Variants in ALB observed in about 807,000 individuals in gnomAD.
The protein encoded by ALB is serum albumin.
Under a neutral mutation model 74.5 loss-of-function variants are expected in ALB, and 37 were observed. That is an observed-to-expected ratio of 0.50 (90% CI 0.38 to 0.65). The LOEUF is 0.65. Ranked by LOEUF, ALB falls within the 30% of genes least tolerant of loss-of-function variation. ALB has a pLI of 0.00. For missense variants in ALB, 685 were observed against 718.7 expected (o/e 0.95, Z 0.54); for synonymous variants, 249 against 251.6 (o/e 0.99, Z 0.10).
chr4:73,406,694 A>G lies in ALB; in HGVS notation c.203A>G (p.Asn68Ser), dbSNP rs1718737845. The change falls in exon 3 of 15, where the codon AAT becomes AGT. Residue 68 changes from asparagine to serine, a missense_variant. Physicochemically the swap from Asn to Ser is conservative, Grantham distance 46. Coordinates refer to ENST00000295897, the MANE Select transcript of ALB (RefSeq NM_000477.7). The stretch of plus-strand genomic sequence containing the variant: ...TTTGAAGATCATGTAAAATTAGTGA[A>G]TGAAGTAACTGAATTTGCAAAAACA... ...CPFEDHVKLV[N>S]EVTEFAKTCV... The G allele has an allele frequency of 1.2e-6, 2 of 1,613,972 alleles. No individual in the cohort carries two copies. Among genetic ancestry groups the G allele is most frequent in the African/African-American group, 1.3e-5 (1 of 75,058 alleles).
At chr4:73,415,782 T>C (rs1718997586) in intron 9 of ALB, among the ~76,000 whole-genome samples, 1 of 152,162 alleles carries the variant, frequency 6.6e-6, no homozygotes, top group South Asian at 2.1e-4. Context: ...ATCTCTCATT[T>C]TGGAGAGCCT....
At chr4:73,415,205 T>C (rs1405850851) in intron 9 of ALB, 38 bp downstream of exon 9, 1 of 1,609,674 alleles carries the variant, frequency 6.2e-7, no homozygotes, top group Non-Finnish European at 8.5e-7. Flanking sequence ...GTTCTTTGAC[T>C]GATGATTCCA....
chr4:73,418,059 G>T (rs1258811940), intron 11 of ALB, 29 bp from the exon 12 acceptor site: 8 of 1,608,850 alleles, frequency 5.0e-6, no homozygotes, highest in South Asian at 1.1e-5. Context: ...CACCTCTTTT[G>T]AATTTCTGCT....
chr4:73,419,593 A>G lies in ALB; in HGVS notation c.1739A>G (p.Glu580Gly). ...AVMDDFAAFV[E>G]KCCKADDKET... ...ATGGATGATTTCGCAGCTTTTGTAG[A>G]GAAGTGCTGCAAGGCTGACGATAAG... The change falls in exon 13 of 15, where the codon GAG becomes GGG. Residue 580 changes from glutamate to glycine, a missense_variant. Physicochemically the swap from Glu to Gly is moderately conservative, Grantham distance 98. Coordinates refer to ENST00000295897, the MANE Select transcript of ALB (RefSeq NM_000477.7). The G allele has an allele frequency of 1.2e-6, 2 of 1,613,982 alleles. No homozygotes were observed. Among genetic ancestry groups the G allele is most frequent in the Non-Finnish European group, 1.7e-6 (2 of 1,179,948 alleles).
At chr4:73,405,555 A>C (rs1718698681) in intron 2 of ALB, among the ~76,000 whole-genome samples, 1 of 151,898 alleles carries the variant, frequency 6.6e-6, no homozygotes, top group Non-Finnish European at 1.5e-5. Context: ...AATCTTCTTT[A>C]CATAGCAAGC....
At chr4:73,413,941 T>C (rs1224354920) in intron 8 of ALB, among the ~76,000 whole-genome samples, 1 of 152,232 alleles carries the variant, frequency 6.6e-6, no homozygotes, top group Admixed American at 6.5e-5. Flanking sequence ...TCCAAGTGTA[T>C]TTCTTGAACA....
chr4:73,413,467 T>C lies in ALB; in HGVS notation c.891T>C (p.Ser297=), dbSNP rs56167251. 475 of 1,614,182 alleles carry C rather than the reference T, an allele frequency of 2.9e-4. 2 individuals are homozygous for C. In the African/African-American group the frequency reaches 5.6e-3, roughly 19 times the overall value. ...YICENQDSIS[S]KLKECCEKPL... is the part of the protein sequence containing the mutation. ...GTGAAAATCAAGATTCGATCTCCAGTAAACTGAAGGAATGCTGTGAAAAAC... is the reference window on the plus strand; with the variant it reads ...GTGAAAATCAAGATTCGATCTCCAGCAAACTGAAGGAATGCTGTGAAAAAC... Residue 297 remains serine (S), a synonymous_variant, in exon 8 of 15, where the codon AGT becomes AGC. Coordinates refer to ENST00000295897, the MANE Select transcript of ALB (RefSeq NM_000477.7).
intron 6 of ALB, 105 bp from the exon 7 acceptor site, chr4:73,411,891 C>A: frequency 1.4e-6 from 2 of 1,417,812 alleles, no homozygotes; most frequent in Non-Finnish European, 2.0e-6. Flanking sequence ...AAAATTATTT[C>A]TGTATGTCCA....
intron 3 of ALB, 66 bp downstream of exon 3, chr4:73,406,827 A>AT (rs966919944): frequency 2.1e-5 from 34 of 1,586,560 alleles, no homozygotes; most frequent in South Asian, 3.4e-5. Context: ...TTTCAAAGGA[A>AT]TTTTTTTTAA....
Position 73,414,885 on chromosome 4 carries a change from T to C in ALB, c.1059-150T>C, listed in dbSNP as rs924044747. On this transcript the variant is annotated intron_variant, in intron 8 of 14. Coordinates refer to ENST00000295897, the MANE Select transcript of ALB (RefSeq NM_000477.7). ...AATTGAGCCTTGGTAACTTTAACTC[T>C]GGACCCCAAGTCCTTAGCTACTAAG... is the stretch of plus-strand genomic sequence containing the variant. 6.5e-6 allele frequency: 6 copies of C among 916,946 alleles called. No homozygotes were observed. In the African/African-American group the frequency reaches 8.3e-5, roughly 13 times the overall value. 56.8% of individuals were successfully genotyped at this position (916,946 alleles called of 1,614,324 possible).
intron 11 of ALB, among the ~76,000 whole-genome samples, 180 bp downstream of exon 11, chr4:73,417,849 A>T (rs1719053593): frequency 6.6e-6 from 1 of 151,062 alleles, no homozygotes. Flanking sequence ...CGAGGATGAT[A>T]ATTTTTTTTT....
chr4:73,413,576 G>T lies in ALB; in HGVS notation c.1000G>T (p.Val334Phe), dbSNP rs764057453. The change falls in exon 8 of 15, where the codon GTT (valine) becomes TTT (phenylalanine). Residue 334 changes from valine (V) to phenylalanine (F), a missense_variant. Physicochemically the swap from Val to Phe is conservative, Grantham distance 50 (BLOSUM62 -1). Transcript: ENST00000295897. ...ADLPSLAADF[V>F]ESKDVCKNYA... Reference sequence around the variant, plus strand: ...CTTGCCTTCATTAGCTGCTGATTTTGTTGAAAGTAAGGATGTTTGCAAAAA... The same window carrying T: ...CTTGCCTTCATTAGCTGCTGATTTTTTTGAAAGTAAGGATGTTTGCAAAAA... 2 of 1,614,174 alleles carry T rather than the reference G, an allele frequency of 1.2e-6. No homozygotes were observed. Among genetic ancestry groups the T allele is most frequent in the Non-Finnish European group, 1.7e-6 (2 of 1,180,026 alleles).
chr4:73,406,084 T>A (rs1718719462), intron 2 of ALB, among the ~76,000 whole-genome samples: 1 of 151,282 alleles, frequency 6.6e-6, no homozygotes, highest in Admixed American at 6.6e-5. Context: ...CAAGTCTCTT[T>A]AAAAAAAACA....
At position 73,406,757 on chromosome 4, in the gene ALB, C is replaced by T; in HGVS notation, c.266C>T (p.Ser89Leu). The T allele has an allele frequency of 6.2e-7, 1 of 1,613,676 alleles. No homozygotes were observed. Among genetic ancestry groups the T allele is most frequent in the Non-Finnish European group, 8.5e-7 (1 of 1,179,910 alleles). Reference protein sequence around the residue: ...ADESAENCDKSLHTLFGDKLC... With the variant: ...ADESAENCDKLLHTLFGDKLC... Reference sequence around the variant, plus strand: ...GAGTCAGCTGAAAATTGTGACAAATCACTTGTAAGTACATTCTAATTGTGG... The same window carrying T: ...GAGTCAGCTGAAAATTGTGACAAATTACTTGTAAGTACATTCTAATTGTGG... The change falls in exon 3 of 15, where the codon TCA (serine) becomes TTA (leucine). Residue 89 changes from serine to leucine, a missense_variant. Physicochemically the swap from Ser to Leu is moderately radical, Grantham distance 145 (BLOSUM62 -2). Transcript: ENST00000295897.
intron 14 of ALB, 60 bp from the exon 15 acceptor site, chr4:73,421,032 G>A: frequency 1.5e-6 from 1 of 659,110 alleles, no homozygotes; most frequent in Non-Finnish European, 2.7e-6. Context: ...TATTTTAATA[G>A]GTTTGAAAAA....
chr4:73,409,621 T>G, intron 5 of ALB, 134 bp downstream of exon 5: 1 of 1,077,348 alleles, frequency 9.3e-7, no homozygotes, highest in East Asian at 2.4e-5. Flanking sequence ...CTTTTATCTG[T>G]CTTGAAAATC....
In ALB at chr4:73,408,816, A is replaced by G. The variant is rs754203026; in HGVS notation, c.482+11A>G. ...GACATTTTTGAAAAAGTAAGTAATC[A>G]GATGTTTATAGTTCAAAATTAAAAA... On this transcript the variant is annotated intron_variant, in intron 4 of 14. Transcript: ENST00000295897. 2 of 1,607,482 alleles carry G rather than the reference A, an allele frequency of 1.2e-6. No homozygotes were observed. The highest frequency in any genetic ancestry group is 1.7e-6 in the Non-Finnish European group (2 of 1,175,018).
Position 73,405,177 on chromosome 4 carries a change from A to C in ALB, c.137+4A>C, listed in dbSNP as rs886059619. ...GAGAAGAAAATTTCAAAGCCTTGTA[A>C]GTTAAAATATTGATGAATCAAATTT... is the stretch of plus-strand genomic sequence containing the variant. On this transcript the variant is annotated splice_donor_region_variant and intron_variant, in intron 2 of 14. Transcript: ENST00000295897. The C allele has an allele frequency of 4.4e-6, 7 of 1,603,064 alleles. No individual in the cohort carries two copies. The highest frequency in any genetic ancestry group is 6.0e-6 in the Non-Finnish European group (7 of 1,170,034).
intron 2 of ALB, 111 bp from the exon 3 acceptor site, chr4:73,406,518 A>G: frequency 9.6e-7 from 1 of 1,041,256 alleles, no homozygotes; most frequent in East Asian, 2.5e-5. Context: ...ATGGTGAAGA[A>G]GATGTATAAA....
Sources: allele counts gnomAD v4.1 joint callset (sites outside exome capture counted in the v4.1 genomes callset), GRCh38; gene constraint gnomAD v4.1.1; transcripts MANE v1.5; gene names NCBI Gene and HGNC (gene_info 2026-07-23, HGNC 2026-07-21).